Variants in SSBP2 observed in about 807,000 individuals in gnomAD.
SSBP2 encodes the protein single stranded DNA binding protein 2, also known as single-stranded DNA-binding protein 2.
Under a neutral mutation model 61.8 loss-of-function variants are expected in SSBP2, and 17 were observed. The ratio of observed to expected loss-of-function variants is 0.28; its 90% CI spans 0.19 to 0.41. The LOEUF (loss-of-function observed/expected upper bound fraction) is 0.41. Among genes scored for constraint, SSBP2 ranks in the 10% least tolerant of loss-of-function variants. The pLI, the probability that SSBP2 is intolerant of heterozygous loss-of-function variation, is 1.00. For synonymous variants in SSBP2, 139 were observed against 141.3 expected (o/e 0.98, Z 0.12); for missense variants, 310 against 458.7 (o/e 0.68, Z 2.96).
chr5:81,683,444 C>T (rs978995673), intron 1 of SSBP2, among the ~76,000 whole-genome samples: 1 of 152,076 alleles, frequency 6.6e-6, no homozygotes, highest in African/African-American at 2.4e-5. Context: ...CAAAATAAAT[C>T]TAGACACATA....
chr5:81,539,796 C>T (rs1771105853), intron 4 of SSBP2, among the ~76,000 whole-genome samples: 1 of 152,084 alleles, frequency 6.6e-6, no homozygotes, highest in African/African-American at 2.4e-5. Flanking sequence ...GCAGAACGTG[C>T]AGGTTTGTTA....
At chr5:81,690,434 AAGAAC>A (rs1338934249) in intron 1 of SSBP2, among the ~76,000 whole-genome samples, 1 of 152,148 alleles carries the variant, frequency 6.6e-6, no homozygotes, top group Non-Finnish European at 1.5e-5. Context: ...AGAAACCTAA[AAGAAC>A]AGAAGTAACT....
intron 6 of SSBP2, among the ~76,000 whole-genome samples, chr5:81,480,783 T>A (rs568017118): frequency 6.6e-6 from 1 of 152,354 alleles, no homozygotes; most frequent in East Asian, 1.9e-4. Flanking sequence ...GATTTCTCTG[T>A]AGCATGTGAT....
chr5:81,501,855 G>A (rs958888485), intron 5 of SSBP2, among the ~76,000 whole-genome samples: 10 of 151,964 alleles, frequency 6.6e-5, no homozygotes, highest in East Asian at 1.9e-4. Context: ...GAGCCACTGC[G>A]CCCTGCCCCC....
intron 2 of SSBP2, among the ~76,000 whole-genome samples, chr5:81,640,193 A>G (rs1748647728): frequency 6.6e-6 from 1 of 152,168 alleles, no homozygotes; most frequent in Non-Finnish European, 1.5e-5. Context: ...TACAAAAATT[A>G]GCCAGGCATG....
chr5:81,544,492 A>G (rs1217323456), intron 4 of SSBP2, among the ~76,000 whole-genome samples: 1 of 152,206 alleles, frequency 6.6e-6, no homozygotes, highest in African/African-American at 2.4e-5. Flanking sequence ...ACTTCGCCTA[A>G]ACATGTATTA....
chr5:81,518,364 C>T (rs1018795707), intron 4 of SSBP2, among the ~76,000 whole-genome samples: 2 of 151,954 alleles, frequency 1.3e-5, no homozygotes, highest in Admixed American at 6.6e-5. Flanking sequence ...TATTAAGAGG[C>T]GGGCCCTTTA....
chr5:81,423,194 C>T (rs1761720404), intron 16 of SSBP2, among the ~76,000 whole-genome samples: 1 of 152,162 alleles, frequency 6.6e-6, no homozygotes, highest in South Asian at 2.1e-4. Flanking sequence ...ATATAACTTT[C>T]TGTGATGATG....
chr5:81,524,042 T>C (rs1439847039), intron 4 of SSBP2, among the ~76,000 whole-genome samples: 1 of 152,060 alleles, frequency 6.6e-6, no homozygotes, highest in Non-Finnish European at 1.5e-5. Context: ...AGGGCTTCTA[T>C]TTGAGAGTCT....
chr5:81,623,596 A>G (rs1048393947), intron 3 of SSBP2, among the ~76,000 whole-genome samples: 9 of 151,918 alleles, frequency 5.9e-5, no homozygotes, highest in Admixed American at 2.6e-4. Flanking sequence ...CGGCCTCCCA[A>G]AGTGCTGGGA....
intron 1 of SSBP2, among the ~76,000 whole-genome samples, chr5:81,678,439 T>G (rs981881517): frequency 6.6e-6 from 1 of 151,966 alleles, no homozygotes; most frequent in Non-Finnish European, 1.5e-5. Flanking sequence ...CTATAAAAAT[T>G]TTAACATACA....
At chr5:81,724,685 C>T (rs1755757834) in intron 1 of SSBP2, among the ~76,000 whole-genome samples, 1 of 151,872 alleles carries the variant, frequency 6.6e-6, no homozygotes, top group South Asian at 2.1e-4. Flanking sequence ...AATTATAAAG[C>T]AAATAGAAAA....
At position 81,488,031 on chromosome 5, in the gene SSBP2, AT is replaced by A. The variant is rs1299078928; in HGVS notation, c.432+1218del. Among the ~76,000 whole-genome samples, 5 of 15,692 alleles carry A rather than the reference AT, an allele frequency of 3.2e-4. 1 individual carries two copies. The highest frequency in any genetic ancestry group is 2.6e-3 in the African/African-American group (2 of 766). The allele number at this position is 15,692 out of a possible 152,430, so 10.3% of individuals were successfully genotyped here. On this transcript the variant is annotated intron_variant, in intron 6 of 16. Coordinates refer to ENST00000320672, the MANE Select transcript of SSBP2 (RefSeq NM_012446.5). ...AAATAATATATATATATATATATAT[AT>A]ATATATATATATATATATATATATA...
chr5:81,642,626 A>G (rs1748890914), intron 2 of SSBP2, among the ~76,000 whole-genome samples: 1 of 152,224 alleles, frequency 6.6e-6, no homozygotes, highest in African/African-American at 2.4e-5. Context: ...AATTTTACAT[A>G]TATGTAACAA....
chr5:81,697,163 G>A (rs1285940295), intron 1 of SSBP2, among the ~76,000 whole-genome samples: 1 of 152,148 alleles, frequency 6.6e-6, no homozygotes, highest in African/African-American at 2.4e-5. Context: ...TCAAAAATTC[G>A]GCTGTCCAGT....
At chr5:81,524,038 T>C (rs1769713940) in intron 4 of SSBP2, among the ~76,000 whole-genome samples, 1 of 152,044 alleles carries the variant, frequency 6.6e-6, no homozygotes, top group South Asian at 2.1e-4. Flanking sequence ...TCCCAGGGCT[T>C]CTATTTGAGA....
At chr5:81,444,984 A>G (rs1456936476) in intron 12 of SSBP2, among the ~76,000 whole-genome samples, 2 of 150,814 alleles carry the variant, frequency 1.3e-5, no homozygotes, top group South Asian at 4.2e-4. Flanking sequence ...TTAGCCGGGC[A>G]TGGTGGCACA....
At chr5:81,493,626 T>C (rs1025503544) in intron 5 of SSBP2, among the ~76,000 whole-genome samples, 1 of 151,954 alleles carries the variant, frequency 6.6e-6, no homozygotes, top group Admixed American at 6.6e-5. Flanking sequence ...TGTGGTGGCA[T>C]GTGCCTGTAG....
chr5:81,429,961 A>G (rs1762186451), intron 15 of SSBP2, among the ~76,000 whole-genome samples: 1 of 152,186 alleles, frequency 6.6e-6, no homozygotes. Context: ...ATATACTTTA[A>G]TAGCATAAAG....
Sources: gnomAD v4.1 joint callset for allele counts (sites outside exome capture counted in the v4.1 genomes callset) on GRCh38, gnomAD v4.1.1 for gene constraint, MANE v1.5 for transcripts, NCBI Gene and HGNC (gene_info 2026-07-23, HGNC 2026-07-21) for gene names.